Variants in AMPH observed in about 807,000 individuals in gnomAD.
The protein encoded by AMPH is amphiphysin, also known as amphiphysin (Stiff-Mann syndrome with breast cancer 128kD autoantigen).
A neutral mutation model predicts 99.1 loss-of-function variants in AMPH; 49 were observed. That is an observed-to-expected ratio of 0.49 (90% CI 0.39 to 0.63). AMPH has a LOEUF of 0.63. Ranked by LOEUF, AMPH falls within the 20% of genes least tolerant of loss-of-function variation. The probability of loss-of-function intolerance (pLI) is 0.00; values close to 1 mark genes in which losing one functional copy is unlikely to be tolerated. For synonymous variants in AMPH, 314 were observed against 317.3 expected (o/e 0.99, Z 0.11); for missense variants, 759 against 863.4 (o/e 0.88, Z 1.52).
At chr7:38,510,853 T>C (rs887129178) in intron 2 of AMPH, among the ~76,000 whole-genome samples, 1 of 152,208 alleles carries the variant, frequency 6.6e-6, no homozygotes, top group Non-Finnish European at 1.5e-5. Context: ...GATACAGTCC[T>C]CATCTGTGAA....
chr7:38,548,829 G>A (rs1182858171), intron 1 of AMPH, among the ~76,000 whole-genome samples: 1 of 152,220 alleles, frequency 6.6e-6, no homozygotes, highest in African/African-American at 2.4e-5. Flanking sequence ...CGTTTGCATA[G>A]TGCACAAACA....
chr7:38,595,013 G>A (rs1318094093), intron 1 of AMPH, among the ~76,000 whole-genome samples: 3 of 152,194 alleles, frequency 2.0e-5, no homozygotes, highest in Non-Finnish European at 2.9e-5. Flanking sequence ...GTACCAGAAA[G>A]AACACAAACA....
intron 11 of AMPH, among the ~76,000 whole-genome samples, chr7:38,454,724 A>G (rs1421270617): frequency 3.3e-5 from 5 of 152,186 alleles, no homozygotes; most frequent in African/African-American, 1.2e-4. Flanking sequence ...TTCATTTCCT[A>G]TCTCTACTAA....
chr7:38,478,339 A>G (rs1788163297), intron 5 of AMPH, among the ~76,000 whole-genome samples: 1 of 152,198 alleles, frequency 6.6e-6, no homozygotes, highest in African/African-American at 2.4e-5. Context: ...ATATTAAAAT[A>G]TAAGTACAAG....
At chr7:38,476,816 G>T in intron 6 of AMPH, 46 bp downstream of exon 6, 4 of 1,411,694 alleles carry the variant, frequency 2.8e-6, no homozygotes, top group Non-Finnish European at 4.0e-6. Flanking sequence ...GCTGCAACAG[G>T]TCATAAAATA....
intron 2 of AMPH, among the ~76,000 whole-genome samples, chr7:38,519,278 C>T (rs1194366706): frequency 1.3e-5 from 2 of 152,200 alleles, no homozygotes; most frequent in African/African-American, 4.8e-5. Flanking sequence ...TCTAGGTAAA[C>T]TTTATTTCCA....
chr7:38,386,992 G>A (rs1007361698), intron 20 of AMPH, among the ~76,000 whole-genome samples: 5 of 152,140 alleles, frequency 3.3e-5, no homozygotes, highest in African/African-American at 1.2e-4. Flanking sequence ...ATCACTGGGG[G>A]ATGGGTATCC....
chr7:38,537,389 T>A (rs6949159), intron 1 of AMPH, among the ~76,000 whole-genome samples: 70,806 of 151,836 alleles, frequency 0.47, 16,601 homozygotes, highest in African/African-American at 0.51. Context: ...ATAAATAATA[T>A]CTATTATTAT....
chr7:38,504,967 A>G (rs1789269843), intron 2 of AMPH, among the ~76,000 whole-genome samples: 1 of 152,226 alleles, frequency 6.6e-6, no homozygotes, highest in Admixed American at 6.5e-5. Flanking sequence ...CAACTTCAAT[A>G]GCCATGTTCA....
chr7:38,404,540 C>T (rs769725345), intron 17 of AMPH, among the ~76,000 whole-genome samples: 1 of 152,136 alleles, frequency 6.6e-6, no homozygotes, highest in Non-Finnish European at 1.5e-5. Flanking sequence ...CCATGTAGAG[C>T]CTTGGCCTCC....
Position 38,595,178 on chromosome 7 carries a change from T to G in AMPH, c.69+36105A>C, listed in dbSNP as rs546948501. ...ACAACGACGCTGCCCCGCCCCTGCT[T>G]TGGGGACACAAGCAAACTGCTCCCC... is the stretch of plus-strand genomic sequence containing the variant. On this transcript the variant is annotated intron_variant, in intron 1 of 20. Coordinates refer to ENST00000356264, the MANE Select transcript of AMPH (RefSeq NM_001635.4). Among the ~76,000 whole-genome samples the G allele has an allele frequency of 3.5e-4, 53 of 152,260 alleles. No individual in the cohort carries two copies. The South Asian group carries it at 4.6e-3, about 13-fold the overall frequency.
chr7:38,584,877 AG>A (rs1792590293), intron 1 of AMPH, among the ~76,000 whole-genome samples: 1 of 152,238 alleles, frequency 6.6e-6, no homozygotes, highest in Admixed American at 6.5e-5. Context: ...CCAGTGTGCA[AG>A]GGCATATGTG....
intron 2 of AMPH, among the ~76,000 whole-genome samples, chr7:38,523,195 T>C (rs1790039864): frequency 6.6e-6 from 1 of 151,932 alleles, no homozygotes; most frequent in South Asian, 2.1e-4. Context: ...TTCAGATAGA[T>C]AGATAATATA....
intron 1 of AMPH, among the ~76,000 whole-genome samples, chr7:38,543,186 G>A (rs1308618020): frequency 6.6e-6 from 1 of 152,206 alleles, no homozygotes; most frequent in African/African-American, 2.4e-5. Flanking sequence ...GAGCCCAGGA[G>A]GTTGAGGCTA....
chr7:38,603,126 G>A (rs995412091), intron 1 of AMPH, among the ~76,000 whole-genome samples: 2 of 151,844 alleles, frequency 1.3e-5, no homozygotes, highest in Admixed American at 1.3e-4. Flanking sequence ...GACCAGCCTG[G>A]GCAACATGGC....
Position 38,541,603 on chromosome 7 carries a change from T to C in AMPH, c.70-6592A>G, listed in dbSNP as rs149680230. Among the ~76,000 whole-genome samples the C allele has an allele frequency of 1.1e-3, 173 of 152,336 alleles. 1 individual carries two copies. The highest frequency in any genetic ancestry group is 4.0e-3 in the African/African-American group (167 of 41,572). ...CATTAGCCATCACGTCATCAAAGCCTCTGAGGCTGGCATGAGCCTTCCTGC... is the reference window on the plus strand; with the variant it reads ...CATTAGCCATCACGTCATCAAAGCCCCTGAGGCTGGCATGAGCCTTCCTGC... On this transcript the variant is annotated intron_variant, in intron 1 of 20. Transcript: ENST00000356264.
At chr7:38,520,850 A>G (rs960546331) in intron 2 of AMPH, among the ~76,000 whole-genome samples, 5 of 152,200 alleles carry the variant, frequency 3.3e-5, no homozygotes, top group African/African-American at 9.7e-5. Context: ...AAATTACACT[A>G]TCAGACATAG....
chr7:38,395,063 G>A (rs75134374), intron 17 of AMPH, among the ~76,000 whole-genome samples: 8,826 of 152,136 alleles, frequency 0.058, 355 homozygotes, highest in East Asian at 0.19. Context: ...GATTTACATG[G>A]CACATCTGGG....
chr7:38,627,230 A>G (rs1794283569), intron 1 of AMPH, among the ~76,000 whole-genome samples: 2 of 152,014 alleles, frequency 1.3e-5, no homozygotes, highest in Non-Finnish European at 2.9e-5. Context: ...ACTGAGAGTT[A>G]TACCAAAGAG....
Sources: gnomAD v4.1 joint callset for allele counts (sites outside exome capture counted in the v4.1 genomes callset) on GRCh38, gnomAD v4.1.1 for gene constraint, MANE v1.5 for transcripts, NCBI Gene and HGNC (gene_info 2026-07-23, HGNC 2026-07-21) for gene names.